The following CALN1 variants were observed in gnomAD, a reference collection of about 807,000 sequenced individuals.
CALN1 encodes calneuron 1.
CALN1 carries 17 observed loss-of-function variants against 30.6 expected under a neutral mutation model. The ratio of observed to expected loss-of-function variants is 0.56; its 90% confidence interval spans 0.38 to 0.83. The LOEUF is 0.83. CALN1 is among the 40% of genes least tolerant of loss of function. The pLI is 0.00. For synonymous variants in CALN1, 156 were observed against 131.4 expected (o/e 1.19, Z -1.28); for missense variants, 291 against 354.9 (o/e 0.82, Z 1.45).
chr7:72,041,385 TTA>T (rs1802116662), intron 4 of CALN1, among the ~76,000 whole-genome samples: 1 of 151,786 alleles, frequency 6.6e-6, no homozygotes. Flanking sequence ...CAAATTTTTT[TTA>T]TTTTTTTTAT....
At chr7:72,271,575 A>AAATATATAT in intron 3 of CALN1, among the ~76,000 whole-genome samples, 4 of 52,128 alleles carry the variant, frequency 7.7e-5, no homozygotes, top group East Asian at 9.9e-4. Flanking sequence ...AAAAAAAAAA[A>AAATATATAT]ATATATATAT....
At chr7:71,883,697 G>A (rs924730968) in intron 5 of CALN1, among the ~76,000 whole-genome samples, 17 of 151,912 alleles carry the variant, frequency 1.1e-4, no homozygotes, top group African/African-American at 2.9e-4. Flanking sequence ...TGTAAATCCC[G>A]CCCTTAGGTC....
At chr7:71,922,682 T>C (rs1350851499) in intron 5 of CALN1, among the ~76,000 whole-genome samples, 3 of 138,152 alleles carry the variant, frequency 2.2e-5, no homozygotes, top group Non-Finnish European at 4.6e-5. Context: ...GAATATATTA[T>C]ATATAAATAT....
chr7:72,110,904 G>A (rs549563775), intron 3 of CALN1, among the ~76,000 whole-genome samples: 1 of 152,226 alleles, frequency 6.6e-6, no homozygotes, highest in African/African-American at 2.4e-5. Context: ...GAACAGGCAG[G>A]ATCCCTCTGG....
chr7:72,273,990 T>C (rs1332078593), intron 3 of CALN1, among the ~76,000 whole-genome samples: 1 of 152,174 alleles, frequency 6.6e-6, no homozygotes, highest in Non-Finnish European at 1.5e-5. Flanking sequence ...ACTTTTATTA[T>C]GAATATATAT....
rs145118475 is a variant in CALN1 at position 72,227,398 on chromosome 7, G to A, written c.244+51288C>T. 1.8e-3 allele frequency among the ~76,000 whole-genome samples: 275 copies of A among 152,072 alleles called. 2 individuals are homozygous for A. The highest frequency in any genetic ancestry group is 6.3e-3 in the African/African-American group (262 of 41,510). On this transcript the variant is annotated intron_variant, in intron 3 of 6. Coordinates refer to ENST00000395275, the MANE Select transcript of CALN1 (RefSeq NM_031468.4). ...CTATTAAAAATACAAAAATTAGCTG[G>A]GAGTGGTGACGGGCGCCTGTAATCC... is the stretch of plus-strand genomic sequence containing the variant.
intron 4 of CALN1, among the ~76,000 whole-genome samples, chr7:72,031,504 A>G (rs1386203273): frequency 6.6e-6 from 1 of 152,168 alleles, no homozygotes; most frequent in Non-Finnish European, 1.5e-5. Context: ...GAGGTTAAGA[A>G]TAACTGTATC....
intron 2 of CALN1, among the ~76,000 whole-genome samples, chr7:72,321,643 TTAAC>T (rs1274878069): frequency 6.6e-6 from 1 of 152,178 alleles, no homozygotes; most frequent in African/African-American, 2.4e-5. Flanking sequence ...TTCTGTGTAG[TTAAC>T]TAAAGTTGGT....
intron 5 of CALN1, among the ~76,000 whole-genome samples, chr7:71,851,079 G>A (rs374813434): frequency 5.9e-5 from 9 of 152,098 alleles, no homozygotes; most frequent in East Asian, 1.9e-4. Flanking sequence ...AGCTAGGCAC[G>A]GTGGTGCACA....
chr7:72,425,216 T>C (rs1429981384), intron 1 of CALN1, among the ~76,000 whole-genome samples: 2 of 152,082 alleles, frequency 1.3e-5, no homozygotes, highest in African/African-American at 4.8e-5. Flanking sequence ...CTGGTTCAAG[T>C]GATTCTCCTG....
chr7:72,467,817 G>T, the CALN1 span, among the ~76,000 whole-genome samples: 9 of 152,082 alleles, frequency 5.9e-5, no homozygotes, highest in African/African-American at 2.2e-4. Flanking sequence ...CCTCTACCTG[G>T]TTGCAAAACA....
intron 5 of CALN1, among the ~76,000 whole-genome samples, chr7:71,986,097 G>C (rs1370485511): frequency 6.6e-6 from 1 of 151,916 alleles, no homozygotes; most frequent in Non-Finnish European, 1.5e-5. Flanking sequence ...ACCTAGGCTG[G>C]AGTGCAGTGG....
At chr7:71,800,504 T>C (rs757305459) in intron 6 of CALN1, among the ~76,000 whole-genome samples, 2 of 152,262 alleles carry the variant, frequency 1.3e-5, no homozygotes, top group African/African-American at 4.8e-5. Flanking sequence ...CCCGTGCCGG[T>C]TGTCAGAATG....
At chr7:72,379,544 T>C (rs945273823) in intron 2 of CALN1, among the ~76,000 whole-genome samples, 1 of 152,242 alleles carries the variant, frequency 6.6e-6, no homozygotes, top group Non-Finnish European at 1.5e-5. Flanking sequence ...TTCAACTGAC[T>C]ATAGCTGGCA....
chr7:71,851,882 A>C (rs1337499931), intron 5 of CALN1, among the ~76,000 whole-genome samples: 1 of 152,150 alleles, frequency 6.6e-6, no homozygotes, highest in African/African-American at 2.4e-5. Context: ...ATTAAGAACA[A>C]GCAGTTAATT....
chr7:72,239,244 A>G (rs1794681046), intron 3 of CALN1, among the ~76,000 whole-genome samples: 1 of 152,138 alleles, frequency 6.6e-6, no homozygotes, highest in Non-Finnish European at 1.5e-5. Flanking sequence ...AAAAAAATAA[A>G]TAAATTAGCC....
Position 72,019,003 on chromosome 7 carries a change from A to AT in CALN1, c.501+4653dup, listed in dbSNP as rs376556919. ...AGGCGATTACCACCATATCCAGCTA[A>AT]TTTTTTTTTTTTGTATTTTTTTTTT... On this transcript the variant is annotated intron_variant, in intron 5 of 6. Coordinates refer to ENST00000395275, the MANE Select transcript of CALN1 (RefSeq NM_031468.4). Among the ~76,000 whole-genome samples, 437 of 143,898 alleles carry AT rather than the reference A, an allele frequency of 3.0e-3. 2 individuals carry two copies. Among genetic ancestry groups the AT allele is most frequent in the Non-Finnish European group, 3.9e-3 (257 of 65,446 alleles). 94.4% of individuals were successfully genotyped at this position (143,898 alleles called of 152,430 possible). A position where few individuals can be genotyped will look rare whatever the true frequency, so the allele number is the denominator to read the frequency against.
intron 5 of CALN1, among the ~76,000 whole-genome samples, chr7:71,837,907 G>A (rs914650553): frequency 2.0e-5 from 3 of 151,616 alleles, no homozygotes; most frequent in African/African-American, 7.3e-5. Flanking sequence ...AGATCAAAAC[G>A]CCAGAACAGG....
At chr7:72,264,416 T>G (rs1796477119) in intron 3 of CALN1, among the ~76,000 whole-genome samples, 4 of 151,870 alleles carry the variant, frequency 2.6e-5, no homozygotes, top group African/African-American at 9.7e-5. Context: ...AAAGGACAAA[T>G]CTCCAACACT....
Sources: allele counts gnomAD v4.1 joint callset (sites outside exome capture counted in the v4.1 genomes callset), GRCh38; gene constraint gnomAD v4.1.1; transcripts MANE v1.5; gene names NCBI Gene and HGNC (gene_info 2026-07-23, HGNC 2026-07-21).